The following NOS1 variants were observed in gnomAD, a reference collection of about 807,000 sequenced individuals.
NOS1 encodes NOS type I.
NOS1 carries 51 observed loss-of-function variants against 164.5 expected under a neutral mutation model. The observed-to-expected ratio is 0.31, with a 90% confidence interval of 0.25 to 0.39. The LOEUF (loss-of-function observed/expected upper bound fraction) is 0.39. Ranked by LOEUF, NOS1 falls within the 10% of genes least tolerant of loss-of-function variation. The probability of loss-of-function intolerance (pLI) is 1.00; values close to 1 mark genes in which losing one functional copy is unlikely to be tolerated. For synonymous variants in NOS1, 719 were observed against 745.8 expected, an observed-to-expected ratio of 0.96 and a Z score of 0.59; for missense variants, 1,362 against 1,885.6, an observed-to-expected ratio of 0.72 and a Z score of 5.14.
Position 117,268,589 on chromosome 12 carries a change from A to ATTTT in NOS1, c.1840-449_1840-446dup, listed in dbSNP as rs35656036. ...ACAGACTAATGAACTCACTCATTCA[A>ATTTT]TTTTTTTTTTTTTTTTTTGAGACGG... On this transcript the variant is annotated intron_variant, in intron 10 of 28. Coordinates refer to ENST00000317775, the MANE Select transcript of NOS1 (RefSeq NM_000620.5). 3.2e-4 allele frequency among the ~76,000 whole-genome samples: 39 copies of ATTTT among 123,198 alleles called. 1 individual carries two copies. Among genetic ancestry groups the ATTTT allele is most frequent in the African/African-American group, 7.9e-4 (25 of 31,754 alleles). 80.8% of individuals were successfully genotyped at this position (123,198 alleles called of 152,430 possible).
chr12:117,272,590 G>C lies in NOS1; in HGVS notation c.1665-31C>G. ...GGGAGCAACAGGGCCCAGCTCACCC[G>C]GAGCAGGTGTCTCATGGGCGGGACA... is the stretch of plus-strand genomic sequence containing the variant. On this transcript the variant is annotated intron_variant, in intron 9 of 28. Coordinates refer to ENST00000317775, the MANE Select transcript of NOS1 (RefSeq NM_000620.5). The surrounding 1 kb of genome is among the most constrained non-coding windows in gnomAD (Gnocchi z 4.3). The C allele has an allele frequency of 5.0e-6, 8 of 1,600,426 alleles. No homozygotes were observed. Among genetic ancestry groups the C allele is most frequent in the Non-Finnish European group, 6.0e-6 (7 of 1,173,196 alleles).
chr12:117,349,551 C>T (rs746715451), intron 1 of NOS1, among the ~76,000 whole-genome samples: 13 of 152,188 alleles, frequency 8.5e-5, no homozygotes, highest in Middle Eastern at 3.2e-3. Flanking sequence ...ACAAATGCTA[C>T]TCTAAAATGG....
chr12:117,264,078 C>T (rs1279667610), intron 12 of NOS1, 104 bp from the exon 13 acceptor site: 8 of 629,380 alleles, frequency 1.3e-5, no homozygotes, highest in East Asian at 1.2e-4. Context: ...GCCTGACCCT[C>T]GGCCTCTGAA....
intron 22 of NOS1, among the ~76,000 whole-genome samples, chr12:117,231,477 A>T (rs1326784389): frequency 2.6e-5 from 4 of 152,190 alleles, no homozygotes; most frequent in Non-Finnish European, 5.9e-5. Flanking sequence ...TGAATACCCC[A>T]TTTGCCCTGA....
At chr12:117,352,553 G>T (rs1312254620) in intron 1 of NOS1, among the ~76,000 whole-genome samples, 1 of 152,120 alleles carries the variant, frequency 6.6e-6, no homozygotes, top group Non-Finnish European at 1.5e-5. Context: ...GGCTCGATTG[G>T]GATGCTAAAC....
At chr12:117,269,801 T>A (rs922362230) in intron 10 of NOS1, among the ~76,000 whole-genome samples, 2 of 152,128 alleles carry the variant, frequency 1.3e-5, no homozygotes, top group Non-Finnish European at 1.5e-5. Flanking sequence ...GGTCTGTGAG[T>A]GCATCATCTG....
chr12:117,276,892 A>T (rs1873229663), intron 9 of NOS1, among the ~76,000 whole-genome samples: 1 of 152,100 alleles, frequency 6.6e-6, no homozygotes, highest in Non-Finnish European at 1.5e-5. Flanking sequence ...GTTGATGGAC[A>T]CTTAAGTTGC....
At chr12:117,226,209 G>T (rs527982782) in intron 24 of NOS1, among the ~76,000 whole-genome samples, 1 of 152,162 alleles carries the variant, frequency 6.6e-6, no homozygotes, top group South Asian at 2.1e-4. Flanking sequence ...GTTATTGATC[G>T]ACAAAACAGG....
In NOS1 at chr12:117,212,715, T is replaced by A. The variant is rs1956547115; in HGVS notation, c.*2594A>T. Reference sequence around the variant, plus strand: ...CTATTTTGCTTACCCATTGCTTAATTCTATTTTGCACTTAAACGGTTGGCT... The same window carrying A: ...CTATTTTGCTTACCCATTGCTTAATACTATTTTGCACTTAAACGGTTGGCT... On this transcript the variant is annotated 3_prime_UTR_variant, in exon 29 of 29. Transcript: ENST00000317775. The A allele has an allele frequency of 1.0e-6, 1 of 985,330 alleles. No homozygotes were observed. The highest frequency in any genetic ancestry group is 6.1e-5 in the Admixed American group (1 of 16,264). 61.0% of individuals were successfully genotyped at this position (985,330 alleles called of 1,614,324 possible).
At chr12:117,286,384 G>T in intron 5 of NOS1, 118 bp from the exon 6 acceptor site, 1 of 1,054,426 alleles carries the variant, frequency 9.5e-7, no homozygotes. Context: ...TTGATTTCTG[G>T]ATGCAACAGT....
intron 1 of NOS1, among the ~76,000 whole-genome samples, chr12:117,351,437 C>A (rs965234744): frequency 2.5e-4 from 38 of 152,296 alleles, no homozygotes; most frequent in African/African-American, 8.9e-4. Flanking sequence ...TACTTAAGCA[C>A]CCCTTTGTTG....
At position 117,257,367 on chromosome 12, in the gene NOS1, G is replaced by C. The variant is rs140421118; in HGVS notation, c.2531+1030C>G. Among the ~76,000 whole-genome samples the C allele has an allele frequency of 2.9e-3, 439 of 152,192 alleles. 5 individuals carry two copies. Among genetic ancestry groups the C allele is most frequent in the African/African-American group, 0.01 (423 of 41,530 alleles). The stretch of plus-strand genomic sequence containing the variant: ...CAAAGCACTAGGATTATAGGCATGA[G>C]CCACCGTGCCCAGCCATCAATGGTA... On this transcript the variant is annotated intron_variant, in intron 16 of 28. Transcript: ENST00000317775.
At chr12:117,266,612 G>A (rs1419606655) in intron 11 of NOS1, among the ~76,000 whole-genome samples, 2 of 149,650 alleles carry the variant, frequency 1.3e-5, no homozygotes, top group Admixed American at 6.7e-5. Flanking sequence ...ATCTCGGCTC[G>A]CCGCAACCTC....
At chr12:117,256,284 G>GTTGTTTTTTTTTTTTTTTTTTTTT (rs549611283) in intron 16 of NOS1, among the ~76,000 whole-genome samples, 16 of 118,478 alleles carry the variant, frequency 1.4e-4, no homozygotes, top group African/African-American at 4.6e-4. Context: ...GGGATTTTCT[G>GTTGTTTTTTTTTTTTTTTTTTTTT]TTTTTTTTTT....
Position 117,214,673 on chromosome 12 carries a change from A to G in NOS1, c.*636T>C. On this transcript the variant is annotated 3_prime_UTR_variant, in exon 29 of 29. Coordinates refer to ENST00000317775, the MANE Select transcript of NOS1 (RefSeq NM_000620.5). ...ACTAGAACAATTATGGGGCTTCCAAATGTTTCAGGTACATGGGCGTGGACC... is the reference window on the plus strand; with the variant it reads ...ACTAGAACAATTATGGGGCTTCCAAGTGTTTCAGGTACATGGGCGTGGACC... 1.0e-6 allele frequency: 1 copy of G among 985,318 alleles called. No homozygotes were observed. Among genetic ancestry groups the G allele is most frequent in the Non-Finnish European group, 1.2e-6 (1 of 829,928 alleles). The allele number at this position is 985,318 out of a possible 1,614,324, so 61.0% of individuals were successfully genotyped here.
At chr12:117,265,825 C>G (rs1461109594) in intron 11 of NOS1, among the ~76,000 whole-genome samples, 1 of 151,754 alleles carries the variant, frequency 6.6e-6, no homozygotes, top group Non-Finnish European at 1.5e-5. Context: ...GAGTCTTGCT[C>G]TATCACCCAG....
intron 17 of NOS1, among the ~76,000 whole-genome samples, chr12:117,250,708 G>A (rs945147931): frequency 2.0e-5 from 3 of 152,110 alleles, no homozygotes; most frequent in Non-Finnish European, 4.4e-5. Context: ...CTGACAGGTA[G>A]ACAGAGATGG....
chr12:117,287,249 G>T (rs888700302), intron 5 of NOS1, among the ~76,000 whole-genome samples: 1 of 151,986 alleles, frequency 6.6e-6, no homozygotes, highest in Non-Finnish European at 1.5e-5. Flanking sequence ...CATATAAATG[G>T]TGCTATACTG....
chr12:117,224,889 C>A (rs1190137324), intron 25 of NOS1, 127 bp downstream of exon 25: 2 of 1,262,170 alleles, frequency 1.6e-6, no homozygotes, highest in Non-Finnish European at 2.3e-6. Context: ...GTGCTACACG[C>A]CCCAGCTTTT....
Sources: gnomAD v4.1 joint callset for allele counts (sites outside exome capture counted in the v4.1 genomes callset) on GRCh38, gnomAD v4.1.1 for gene constraint, Gnocchi (gnomAD v3.1) non-coding constraint, MANE v1.5 for transcripts, NCBI Gene and HGNC (gene_info 2026-07-23, HGNC 2026-07-21) for gene names.